LRRC36: variants seen among roughly 807,000 people sequenced by gnomAD.
The protein encoded by LRRC36 is leucine rich repeat containing 36, also known as leucine-rich repeat-containing protein 36.
A neutral mutation model predicts 81.1 loss-of-function variants in LRRC36; 62 were observed. The observed-to-expected ratio is 0.76, with a 90% CI of 0.62 to 0.94. LRRC36 has a LOEUF of 0.94. Ranked by LOEUF, LRRC36 falls within the 40% of genes least tolerant of loss-of-function variation. The probability of loss-of-function intolerance (pLI) is 0.00; values close to 1 mark genes in which losing one functional copy is unlikely to be tolerated. For missense variants in LRRC36, 761 were observed against 881.7 expected, an observed-to-expected ratio of 0.86 and a Z score of 1.73; for synonymous variants, 334 against 348.6, an observed-to-expected ratio of 0.96 and a Z score of 0.47.
At chr16:67,329,521 G>C (rs1328871513) in intron 1 of LRRC36, among the ~76,000 whole-genome samples, 1 of 151,892 alleles carries the variant, frequency 6.6e-6, no homozygotes, top group East Asian at 1.9e-4. Flanking sequence ...TTGAACTCCT[G>C]ACCTCAAGTG....
chr16:67,327,148 G>A, intron 1 of LRRC36: 1 of 461,580 alleles, frequency 2.2e-6, no homozygotes, highest in East Asian at 3.6e-5. Flanking sequence ...GGCAGAGCCC[G>A]AGGAATTGAG....
At chr16:67,354,639 T>A (rs2038815997) in intron 5 of LRRC36, among the ~76,000 whole-genome samples, 4 of 152,154 alleles carry the variant, frequency 2.6e-5, no homozygotes, top group Admixed American at 2.6e-4. Context: ...ACAGCAAAAT[T>A]TATCAGGCAG....
chr16:67,367,131 A>G lies in LRRC36; in HGVS notation c.869A>G (p.Lys290Arg). The part of the protein sequence containing the change: ...DNKSSGSSPE[K>R]ELIPKPDTFH... Reference sequence around the variant, plus strand: ...AAGTCTTCAGGTTCTTCTCCAGAAAAGGAATTGATACCAAAACCTGATACT... The same window carrying G: ...AAGTCTTCAGGTTCTTCTCCAGAAAGGGAATTGATACCAAAACCTGATACT... The change falls in exon 8 of 14, where the codon AAG becomes AGG. Residue 290 changes from lysine (K) to arginine (R), a missense_variant. Around this residue, in one of 3 missense-constraint regions of LRRC36, gnomAD observed 139 missense variants for 214.0 expected, o/e 0.65. Coordinates refer to ENST00000329956, the MANE Select transcript of LRRC36 (RefSeq NM_018296.6). The G allele has an allele frequency of 6.2e-7, 1 of 1,614,182 alleles. No individual in the cohort carries two copies. Among genetic ancestry groups the G allele is most frequent in the East Asian group, 2.2e-5 (1 of 44,882 alleles).
intron 13 of LRRC36, among the ~76,000 whole-genome samples, chr16:67,382,579 A>G (rs1293957885): frequency 2.6e-5 from 4 of 152,168 alleles, no homozygotes; most frequent in African/African-American, 9.7e-5. Flanking sequence ...CTCCTCTGGA[A>G]AGTGCCTGCT....
chr16:67,371,069 G>A lies in LRRC36; in HGVS notation c.1321G>A (p.Gly441Arg), dbSNP rs2039616160. The change falls in exon 9 of 14, where the codon GGA becomes AGA. Residue 441 changes from glycine (G) to arginine (R), a missense_variant. Coordinates refer to ENST00000329956, the MANE Select transcript of LRRC36 (RefSeq NM_018296.6). ...TTCTGTCCCAAACAACGCTGTCCTG[G>A]GAAACAGGACAACTCCTCTGCGGAC... ...HGSVPNNAVL[G>R]NRTTPLRTLL... The A allele has an allele frequency of 6.2e-7, 1 of 1,614,136 alleles. No individual in the cohort carries two copies. Among genetic ancestry groups the A allele is most frequent in the East Asian group, 2.2e-5 (1 of 44,880 alleles).
intron 13 of LRRC36, among the ~76,000 whole-genome samples, chr16:67,384,474 C>G (rs1003127947): frequency 3.9e-5 from 6 of 152,046 alleles, no homozygotes; most frequent in Non-Finnish European, 8.8e-5. Context: ...TTCAATGCAG[C>G]CATGACTAGC....
intron 1 of LRRC36, among the ~76,000 whole-genome samples, chr16:67,336,149 A>G (rs1263838165): frequency 6.6e-6 from 1 of 152,156 alleles, no homozygotes; most frequent in African/African-American, 2.4e-5. Flanking sequence ...AGGCTCCTCC[A>G]TGTCTTTCCG....
chr16:67,370,516 C>G lies in LRRC36; in HGVS notation c.1196-428C>G, dbSNP rs540272438. Among the ~76,000 whole-genome samples the G allele has an allele frequency of 3.3e-5, 5 of 151,718 alleles. No homozygotes were observed. The East Asian group carries it at 9.7e-4, about 29-fold the overall frequency. ...AATTAGCTGGGCATGGTGGGTAGAC[C>G]CAGCTACTCGGGAGGCTGGGGCAGG... On this transcript the variant is annotated intron_variant, in intron 8 of 13. Coordinates refer to ENST00000329956, the MANE Select transcript of LRRC36 (RefSeq NM_018296.6).
chr16:67,332,320 G>C (rs1249918711), intron 1 of LRRC36, among the ~76,000 whole-genome samples: 1 of 152,200 alleles, frequency 6.6e-6, no homozygotes, highest in African/African-American at 2.4e-5. Context: ...TTGGGAGGCT[G>C]AGGAGGGCGA....
At chr16:67,350,805 G>A (rs148246174) in intron 5 of LRRC36, among the ~76,000 whole-genome samples, 2,039 of 152,302 alleles carry the variant, frequency 0.013, 47 homozygotes, top group African/African-American at 0.044. Context: ...TTGGGAGGCC[G>A]AGGCAGACAG....
chr16:67,376,589 T>C lies in LRRC36; in HGVS notation c.1661-138T>C, dbSNP rs1374705387. On this transcript the variant is annotated intron_variant, in intron 10 of 13. Transcript: ENST00000329956. ...TCTTGTCCTCTTAAAAACACCTCTT[T>C]CTGCCACTTACTAAGTTCTGGTAAA... The C allele has an allele frequency of 4.8e-6, 4 of 825,770 alleles. No individual in the cohort carries two copies. In the East Asian group the frequency reaches 1.0e-4, roughly 21 times the overall value. 51.2% of individuals were successfully genotyped at this position (825,770 alleles called of 1,614,324 possible).
chr16:67,350,269 G>A lies in LRRC36; in HGVS notation c.556G>A (p.Val186Ile). The A allele has an allele frequency of 1.9e-6, 3 of 1,612,778 alleles. No homozygotes were observed. The highest frequency in any genetic ancestry group is 8.5e-7 in the Non-Finnish European group (1 of 1,179,544). Residue 186 changes from valine (V) to isoleucine (I), a missense_variant, in exon 5 of 14, where the codon GTT becomes ATT. Val to Ile is a conservative substitution (Grantham distance 29). Transcript: ENST00000329956. ...ESSASKVSAN[V>I]DSRIEMDSNK... ...CTCTGCATCAAAAGTCAGTGCTAAT[G>A]TTGACAGCAGGATTGAAATGGGTAA... is the stretch of plus-strand genomic sequence containing the variant.
intron 12 of LRRC36, among the ~76,000 whole-genome samples, chr16:67,380,635 T>A (rs917104616): frequency 6.6e-6 from 1 of 152,222 alleles, no homozygotes; most frequent in African/African-American, 2.4e-5. Flanking sequence ...TATCTGATAC[T>A]CACAGGCCCG....
At chr16:67,338,911 T>A (rs1385851624) in intron 1 of LRRC36, among the ~76,000 whole-genome samples, 5 of 108,114 alleles carry the variant, frequency 4.6e-5, no homozygotes, top group Non-Finnish European at 9.0e-5. Context: ...TTTTTTTTTT[T>A]AGGGACAGAG....
intron 2 of LRRC36, among the ~76,000 whole-genome samples, chr16:67,345,962 T>C (rs770914833): frequency 9.2e-5 from 14 of 152,112 alleles, no homozygotes; most frequent in Non-Finnish European, 2.1e-4. Flanking sequence ...ATTGGGAGAA[T>C]AATTGGAGAG....
intron 5 of LRRC36, among the ~76,000 whole-genome samples, chr16:67,354,126 A>G (rs574313094): frequency 1.3e-5 from 2 of 152,146 alleles, no homozygotes; most frequent in East Asian, 3.9e-4. Context: ...ACAATGTCCA[A>G]TACTCAATCA....
intron 1 of LRRC36, among the ~76,000 whole-genome samples, chr16:67,328,075 G>T (rs1338040110): frequency 6.6e-6 from 1 of 152,144 alleles, no homozygotes; most frequent in Non-Finnish European, 1.5e-5. Flanking sequence ...CGTATGATGT[G>T]CAGTCAAGAA....
intron 5 of LRRC36, among the ~76,000 whole-genome samples, chr16:67,363,349 G>A (rs1383213431): frequency 6.6e-6 from 1 of 152,162 alleles, no homozygotes; most frequent in Non-Finnish European, 1.5e-5. Flanking sequence ...CCATTATCCT[G>A]TTTTAACCTG....
chr16:67,330,215 G>C (rs1026848505), intron 1 of LRRC36, among the ~76,000 whole-genome samples: 3 of 151,952 alleles, frequency 2.0e-5, no homozygotes, highest in African/African-American at 7.3e-5. Flanking sequence ...ATAGGTAATG[G>C]TGTATGTTTA....
Sources: allele counts gnomAD v4.1 joint callset (sites outside exome capture counted in the v4.1 genomes callset), GRCh38; gene constraint gnomAD v4.1.1; regional missense constraint gnomAD v4.1.1; transcripts MANE v1.5; gene names NCBI Gene and HGNC (gene_info 2026-07-23, HGNC 2026-07-21).